DLGAP4: variants seen among roughly 807,000 people sequenced by gnomAD.
DLGAP4 encodes disks large-associated protein 4.
DLGAP4 carries 18 observed loss-of-function variants against 86.9 expected under a neutral mutation model. The ratio of observed to expected loss-of-function variants is 0.21; its 90% confidence interval spans 0.14 to 0.31. DLGAP4 has a LOEUF of 0.31. Among genes scored for constraint, DLGAP4 ranks in the 10% least tolerant of loss-of-function variants. The probability of loss-of-function intolerance (pLI) is 1.00; values close to 1 mark genes in which losing one functional copy is unlikely to be tolerated. For missense variants in DLGAP4, 1,085 were observed against 1,362.6 expected, an observed-to-expected ratio of 0.80 and a Z score of 3.21; for synonymous variants, 548 against 574.3, an observed-to-expected ratio of 0.95 and a Z score of 0.65.
rs574147917 is a variant in DLGAP4, at chr20:36,363,478, G to A, written c.-303-3567G>A. 1.1e-3 allele frequency among the ~76,000 whole-genome samples: 162 copies of A among 152,234 alleles called. 3 individuals carry two copies. Among genetic ancestry groups the A allele is most frequent in the Non-Finnish European group, 1.6e-3 (111 of 68,030 alleles). On this transcript the variant is annotated intron_variant, in intron 1 of 12. Coordinates refer to ENST00000339266, the MANE Select transcript of DLGAP4 (RefSeq NM_001365621.2). ...AGGTGACAGTGGCTCGGTCCACAGC[G>A]GTGGCAGCAGGGTGGGGAAAGGAGG...
chr20:36,354,229 A>G (rs2030255085), intron 1 of DLGAP4, among the ~76,000 whole-genome samples: 7 of 151,988 alleles, frequency 4.6e-5, no homozygotes. Context: ...CCGCATTCCC[A>G]ATGTCCTGAT....
intron 1 of DLGAP4, among the ~76,000 whole-genome samples, chr20:36,307,321 C>T (rs534678854): frequency 2.0e-5 from 3 of 152,186 alleles, no homozygotes; most frequent in African/African-American, 7.2e-5. Flanking sequence ...ATGTGCTGGG[C>T]CTGCTGGAAG....
chr20:36,383,867 C>G (rs556298596), intron 2 of DLGAP4, among the ~76,000 whole-genome samples: 90 of 151,160 alleles, frequency 6.0e-4, no homozygotes, highest in African/African-American at 2.1e-3. Flanking sequence ...CCCAGCTACT[C>G]GGGAGGCTGA....
At chr20:36,437,356 C>A (rs1170710572) in intron 4 of DLGAP4, among the ~76,000 whole-genome samples, 1 of 152,172 alleles carries the variant, frequency 6.6e-6, no homozygotes, top group Non-Finnish European at 1.5e-5. Flanking sequence ...GGAGCCACAT[C>A]CCCAGGTAAG....
intron 2 of DLGAP4, among the ~76,000 whole-genome samples, chr20:36,392,900 G>A (rs952892112): frequency 1.3e-5 from 2 of 152,084 alleles, no homozygotes; most frequent in Admixed American, 1.3e-4. Context: ...GTGTCTCTGA[G>A]GAGGTGACAC....
rs760868277 is a variant in DLGAP4, at chr20:36,500,322, C to G, written c.2223C>G (p.Asn741Lys). ...RSLPDCTPHP[N>K]SISIDAGPRQ... ...TCCCGGACTGTACCCCTCACCCCAACTCCATCAGCATCGATGCCGGTCCCC... is the reference window on the plus strand; with the variant it reads ...TCCCGGACTGTACCCCTCACCCCAAGTCCATCAGCATCGATGCCGGTCCCC... Residue 741 changes from asparagine to lysine, a missense_variant, in exon 10 of 13, where the codon AAC (asparagine) becomes AAG (lysine). Around this residue, in one of 2 missense-constraint regions of DLGAP4, gnomAD observed 1,082 missense variants for 1,344.1 expected, o/e 0.81. Coordinates refer to ENST00000339266, the MANE Select transcript of DLGAP4 (RefSeq NM_001365621.2). This position sits in a 1 kb window ranked among gnomAD's most constrained non-coding sequence, Gnocchi z 4.6. 6.2e-7 allele frequency: 1 copy of G among 1,613,984 alleles called. No individual in the cohort carries two copies. The highest frequency in any genetic ancestry group is 8.5e-7 in the Non-Finnish European group (1 of 1,179,974).
In DLGAP4 at chr20:36,432,160, G is replaced by A. The variant is rs769685525; in HGVS notation, c.443G>A (p.Arg148Gln). ...RIRHLVHSVQRLFFTKAPSLE... is the reference protein window; with the variant it reads ...RIRHLVHSVQQLFFTKAPSLE... ...CGCCACCTGGTCCACTCAGTCCAGC[G>A]GCTTTTCTTCACCAAGGCACCCTCA... The change falls in exon 3 of 13, where the codon CGG becomes CAG. Residue 148 changes from arginine (R) to glutamine (Q), a missense_variant. Around this residue, in one of 2 missense-constraint regions of DLGAP4, gnomAD observed 1,082 missense variants for 1,344.1 expected, o/e 0.81. Coordinates refer to ENST00000339266, the MANE Select transcript of DLGAP4 (RefSeq NM_001365621.2). This position sits in a 1 kb window ranked among gnomAD's most constrained non-coding sequence, Gnocchi z 6.5. 10 of 1,614,068 alleles carry A rather than the reference G, an allele frequency of 6.2e-6. No individual in the cohort carries two copies. The highest frequency in any genetic ancestry group is 3.3e-5 in the Admixed American group (2 of 60,014).
intron 7 of DLGAP4, among the ~76,000 whole-genome samples, chr20:36,453,626 CTGT>C (rs2033798140): frequency 6.6e-6 from 1 of 151,672 alleles, no homozygotes; most frequent in South Asian, 2.1e-4. Flanking sequence ...GAATGAGACT[CTGT>C]CTTTAAAAAA....
intron 7 of DLGAP4, among the ~76,000 whole-genome samples, chr20:36,496,091 C>G (rs1268355238): frequency 6.6e-6 from 1 of 152,050 alleles, no homozygotes; most frequent in Non-Finnish European, 1.5e-5. Flanking sequence ...AGGCTGGTCT[C>G]GAACTCCTGA....
Position 36,497,056 on chromosome 20 carries a change from T to C in DLGAP4, c.2000T>C (p.Ile667Thr). 6.2e-7 allele frequency: 1 copy of C among 1,601,980 alleles called. No individual in the cohort carries two copies. Residue 667 changes from isoleucine (I) to threonine (T), a missense_variant, in exon 8 of 13, where the codon ATA becomes ACA. Physicochemically the swap from Ile to Thr is moderately conservative, Grantham distance 89. This residue lies in a region of DLGAP4 where 1,082 missense variants were observed against 1,344.1 expected (regional missense o/e 0.81). Transcript: ENST00000339266. ...EAAPKRKLSS[I>T]GIQVDCIQPV... ...GCCCCCAAAAGGAAACTGTCATCGA[T>C]AGGAATACAAGTAGGGGCTCCTTTT...
intron 1 of DLGAP4, among the ~76,000 whole-genome samples, chr20:36,341,110 A>G (rs1221833597): frequency 1.3e-5 from 2 of 151,628 alleles, no homozygotes; most frequent in Non-Finnish European, 2.9e-5. Context: ...CCTCTGTGCA[A>G]TCCTCCCTGT....
Position 36,308,310 on chromosome 20 carries a change from G to T in DLGAP4, c.-304+1798G>T, listed in dbSNP as rs1368784386. On this transcript the variant is annotated intron_variant, in intron 1 of 12. Transcript: ENST00000339266. This position sits in a 1 kb window ranked among gnomAD's most constrained non-coding sequence, Gnocchi z 4.5. ...CTGGGCGCTGGGGAGTGCAATGGCT[G>T]ACAGGGTCCCCACCTCCAGGAGCCT... Among the ~76,000 whole-genome samples, 1 of 152,198 alleles carries T rather than the reference G, an allele frequency of 6.6e-6. No individual in the cohort carries two copies. Among genetic ancestry groups the T allele is most frequent in the Non-Finnish European group, 1.5e-5 (1 of 68,040 alleles).
intron 2 of DLGAP4, among the ~76,000 whole-genome samples, chr20:36,413,604 A>T (rs140792038): frequency 8.7e-4 from 129 of 148,974 alleles, no homozygotes; most frequent in African/African-American, 3.1e-3. Flanking sequence ...TTTTTTTAGT[A>T]GAGGTGGGGT....
At chr20:36,490,816 C>T (rs889302948) in intron 7 of DLGAP4, among the ~76,000 whole-genome samples, 1 of 152,168 alleles carries the variant, frequency 6.6e-6, no homozygotes, top group Non-Finnish European at 1.5e-5. Flanking sequence ...GTTGCTGTGT[C>T]CTCCGCATCC....
At chr20:36,462,893 C>G (rs372802011) in intron 7 of DLGAP4, among the ~76,000 whole-genome samples, 30 of 152,106 alleles carry the variant, frequency 2.0e-4, no homozygotes, top group East Asian at 1.2e-3. Context: ...CGCTTGTGGG[C>G]AGGCCGGGCT....
rs187658287 is a variant in DLGAP4, at chr20:36,390,596, C to A, written c.-73+23321C>A. On this transcript the variant is annotated intron_variant, in intron 2 of 12. Coordinates refer to ENST00000339266, the MANE Select transcript of DLGAP4 (RefSeq NM_001365621.2). Reference sequence around the variant, plus strand: ...GGGGGGCATGCCTCCACTGTACCCCCCTCTAGTCTAACTGAACTGCTGGTC... The same window carrying A: ...GGGGGGCATGCCTCCACTGTACCCCACTCTAGTCTAACTGAACTGCTGGTC... Among the ~76,000 whole-genome samples the A allele has an allele frequency of 9.5e-4, 144 of 152,308 alleles. 1 individual carries two copies. Among genetic ancestry groups the A allele is most frequent in the Non-Finnish European group, 1.4e-3 (93 of 68,022 alleles).
chr20:36,319,565 G>C (rs1373941080), intron 1 of DLGAP4, among the ~76,000 whole-genome samples: 3 of 152,192 alleles, frequency 2.0e-5, no homozygotes, highest in Non-Finnish European at 4.4e-5. Context: ...GGCCAAGGGT[G>C]AGCACTATGG....
intron 7 of DLGAP4, among the ~76,000 whole-genome samples, chr20:36,476,557 G>T (rs150726056): frequency 0.033 from 4,988 of 151,404 alleles, 294 homozygotes; most frequent in African/African-American, 0.11. Flanking sequence ...TCAAACTTCA[G>T]ACCTCCGGTG....
rs2065008838 is a variant in DLGAP4 at position 36,306,971 on chromosome 20, A to G, written c.-304+459A>G. On this transcript the variant is annotated intron_variant, in intron 1 of 12. Transcript: ENST00000339266. The surrounding 1 kb of genome is among the most constrained non-coding windows in gnomAD (Gnocchi z 4.9). ...TGCCCGGCCAACCTTGGCGCTTGGG[A>G]GAGCAGGGCTATGCCGGCCCGGGCA... Among the ~76,000 whole-genome samples, 1 of 152,002 alleles carries G rather than the reference A, an allele frequency of 6.6e-6. No homozygotes were observed. The highest frequency in any genetic ancestry group is 2.4e-5 in the African/African-American group (1 of 41,392).
Sources: gnomAD v4.1 joint callset for allele counts (sites outside exome capture counted in the v4.1 genomes callset) on GRCh38, gnomAD v4.1.1 for gene constraint, gnomAD v4.1.1 regional missense constraint, Gnocchi (gnomAD v3.1) non-coding constraint, MANE v1.5 for transcripts, NCBI Gene and HGNC (gene_info 2026-07-23, HGNC 2026-07-21) for gene names.